Variants in SLC44A5 observed in about 807,000 individuals in gnomAD.
The protein encoded by SLC44A5 is choline transporter-like protein 5.
In SLC44A5, 57 loss-of-function variants were observed where a neutral mutation model predicts 101.8. The ratio of observed to expected loss-of-function variants is 0.56; its 90% CI spans 0.45 to 0.70. SLC44A5 has a LOEUF of 0.70. SLC44A5 is among the 30% of genes least tolerant of loss of function. SLC44A5 has a pLI of 0.00. For missense variants in SLC44A5, 737 were observed against 853.1 expected (o/e 0.86, Z 1.70); for synonymous variants, 281 against 290.9 (o/e 0.97, Z 0.35).
At chr1:75,620,251 G>T in the SLC44A5 span, among the ~76,000 whole-genome samples, 3 of 152,112 alleles carry the variant, frequency 2.0e-5, no homozygotes, top group African/African-American at 7.2e-5. Flanking sequence ...CTTTGGGTTG[G>T]TTCCAAGTCT....
intron 2 of SLC44A5, among the ~76,000 whole-genome samples, chr1:75,529,341 A>G (rs1464102130): frequency 6.6e-6 from 1 of 152,132 alleles, no homozygotes; most frequent in Non-Finnish European, 1.5e-5. Flanking sequence ...TCTCTTTCCT[A>G]CTAACCATAA....
At chr1:75,213,663 TTTA>T (rs775891589) in intron 22 of SLC44A5, 39 bp downstream of exon 22, 3 of 1,362,172 alleles carry the variant, frequency 2.2e-6, no homozygotes, top group Non-Finnish European at 3.1e-6. Context: ...CTATAGTATT[TTTA>T]TTATAGCAGC....
chr1:75,303,272 G>C (rs1315255248), intron 4 of SLC44A5, among the ~76,000 whole-genome samples: 1 of 152,128 alleles, frequency 6.6e-6, no homozygotes, highest in Non-Finnish European at 1.5e-5. Context: ...GTCTTGCTCT[G>C]TCACCCAGGC....
At chr1:75,217,075 A>G (rs1646975811) in intron 18 of SLC44A5, among the ~76,000 whole-genome samples, 1 of 151,928 alleles carries the variant, frequency 6.6e-6, no homozygotes, top group Non-Finnish European at 1.5e-5. Flanking sequence ...AGAGTTTTAT[A>G]GTTTTTGTGC....
chr1:75,536,922 C>G (rs898967774), intron 2 of SLC44A5, among the ~76,000 whole-genome samples: 3 of 130,620 alleles, frequency 2.3e-5, no homozygotes, highest in Non-Finnish European at 4.8e-5. Context: ...AGGAGAATGG[C>G]GTGAACCCGG....
chr1:75,311,970 G>A (rs369777829), intron 4 of SLC44A5, among the ~76,000 whole-genome samples: 1 of 152,104 alleles, frequency 6.6e-6, no homozygotes, highest in Non-Finnish European at 1.5e-5. Context: ...GTTTGGCTGT[G>A]TCCCCAACCC....
At chr1:75,667,285 G>A in the SLC44A5 span, among the ~76,000 whole-genome samples, 1 of 151,572 alleles carries the variant, frequency 6.6e-6, no homozygotes, top group Non-Finnish European at 1.5e-5. Context: ...TATACACCAA[G>A]AACAAACAGA....
chr1:75,526,417 C>T (rs935090776), intron 2 of SLC44A5, among the ~76,000 whole-genome samples: 1 of 152,160 alleles, frequency 6.6e-6, no homozygotes, highest in African/African-American at 2.4e-5. Context: ...GGGAAAAGGC[C>T]GGTTCCAGGC....
intron 1 of SLC44A5, among the ~76,000 whole-genome samples, chr1:75,606,791 A>C (rs1481008760): frequency 6.6e-6 from 1 of 151,958 alleles, no homozygotes; most frequent in African/African-American, 2.4e-5. Context: ...AGCGTTTGAC[A>C]CTGTTGATTA....
chr1:75,537,025 A>T lies in SLC44A5; in HGVS notation c.13+4410T>A, dbSNP rs1162712751. 9.0e-4 allele frequency among the ~76,000 whole-genome samples: 25 copies of T among 27,684 alleles called. 1 individual carries two copies. The East Asian group carries it at 0.056, about 62-fold the overall frequency. The allele number at this position is 27,684 out of a possible 152,430, so 18.2% of individuals were successfully genotyped here. ...CATCTCAAAAAAAAAAAAAAAAAAAAAAAAAAAAATATATATCTATGCCAA... is the reference window on the plus strand; with the variant it reads ...CATCTCAAAAAAAAAAAAAAAAAAATAAAAAAAAATATATATCTATGCCAA... On this transcript the variant is annotated intron_variant, in intron 2 of 23. Transcript: ENST00000370859.
At chr1:75,611,502 A>G (rs982520126), upstream of SLC44A5, among the ~76,000 whole-genome samples, 7 of 152,142 alleles carry the variant, frequency 4.6e-5, no homozygotes, top group Non-Finnish European at 7.4e-5. Context: ...TGATTTCCTT[A>G]ACTAGCTATC....
chr1:75,501,184 A>AT (rs1307857626), intron 2 of SLC44A5, among the ~76,000 whole-genome samples: 3 of 133,858 alleles, frequency 2.2e-5, no homozygotes, highest in African/African-American at 5.1e-5. Context: ...ATGAACATTA[A>AT]TAAAAAAACA....
the SLC44A5 span, among the ~76,000 whole-genome samples, chr1:75,640,777 T>C: frequency 6.6e-6 from 1 of 152,144 alleles, no homozygotes; most frequent in Non-Finnish European, 1.5e-5. Flanking sequence ...TTGGTTTGTA[T>C]TACAATTGTA....
chr1:75,423,348 C>T (rs979639721), intron 2 of SLC44A5, among the ~76,000 whole-genome samples: 5 of 152,092 alleles, frequency 3.3e-5, no homozygotes, highest in East Asian at 1.9e-4. Context: ...GTTGTCTGCT[C>T]GTTATATGAA....
intron 5 of SLC44A5, among the ~76,000 whole-genome samples, chr1:75,294,545 C>A (rs79927112): frequency 0.058 from 8,842 of 152,202 alleles, 303 homozygotes; most frequent in Middle Eastern, 0.13. Flanking sequence ...TTCATTGCAG[C>A]ATTATTCACA....
At chr1:75,458,473 A>C (rs1008231067) in intron 2 of SLC44A5, among the ~76,000 whole-genome samples, 2 of 152,186 alleles carry the variant, frequency 1.3e-5, no homozygotes, top group Non-Finnish European at 2.9e-5. Context: ...GGTTTGAGGG[A>C]AACAGTCCTG....
At chr1:75,598,532 C>T (rs1674786314) in intron 1 of SLC44A5, among the ~76,000 whole-genome samples, 2 of 152,128 alleles carry the variant, frequency 1.3e-5, no homozygotes, top group South Asian at 2.1e-4. Context: ...CCTAAATTCC[C>T]ATCAATGATA....
intron 2 of SLC44A5, among the ~76,000 whole-genome samples, chr1:75,493,646 A>G (rs1280900893): frequency 1.3e-5 from 2 of 152,202 alleles, no homozygotes; most frequent in Non-Finnish European, 2.9e-5. Context: ...TAAAAAAACT[A>G]TACCTAGCTA....
At chr1:75,392,184 C>T (rs1661836248) in intron 3 of SLC44A5, among the ~76,000 whole-genome samples, 1 of 151,916 alleles carries the variant, frequency 6.6e-6, no homozygotes, top group South Asian at 2.1e-4. Flanking sequence ...CCTAATTAAA[C>T]TGAAGAGCTT....
Sources: gnomAD v4.1 joint callset for allele counts (sites outside exome capture counted in the v4.1 genomes callset) on GRCh38, gnomAD v4.1.1 for gene constraint, MANE v1.5 for transcripts, NCBI Gene and HGNC (gene_info 2026-07-23, HGNC 2026-07-21) for gene names.